Variants in MALT1 observed in about 807,000 individuals in gnomAD.
MALT1 encodes the protein MALT1 paracaspase.
In MALT1, 36 loss-of-function variants were observed where a neutral mutation model predicts 85.5. The observed-to-expected ratio is 0.42, with a 90% CI of 0.32 to 0.56. MALT1 has a LOEUF of 0.56. Ranked by LOEUF, MALT1 falls within the 20% of genes least tolerant of loss-of-function variation. The pLI, the probability that MALT1 is intolerant of heterozygous loss-of-function variation, is 0.10. For synonymous variants in MALT1, 359 were observed against 361.3 expected, an observed-to-expected ratio of 0.99 and a Z score of 0.07; for missense variants, 716 against 981.6, an observed-to-expected ratio of 0.73 and a Z score of 3.62.
chr18:58,715,425 C>T (rs7242509), intron 8 of MALT1, among the ~76,000 whole-genome samples: 36,816 of 151,920 alleles, frequency 0.24, 4,575 homozygotes, highest in Middle Eastern at 0.34. Context: ...AGTTATCTCC[C>T]GACAGTAGTG....
chr18:58,726,791 G>A (rs2055061043), intron 10 of MALT1, among the ~76,000 whole-genome samples: 1 of 152,152 alleles, frequency 6.6e-6, no homozygotes. Flanking sequence ...TGTGTTCATC[G>A]CTTGCTGCAG....
rs574477576 is a variant in MALT1 at position 58,747,693 on chromosome 18, A to G, written c.2326A>G (p.Ser776Gly). Residue 776 changes from serine to glycine, a missense_variant, in exon 17 of 17, where the codon AGC (serine) becomes GGC (glycine). This residue lies in a region of MALT1 where 260 missense variants were observed against 323.7 expected (regional missense o/e 0.80). Coordinates refer to ENST00000649217, the MANE Select transcript of MALT1 (RefSeq NM_006785.4). ...GNPSNVTPAD[S>G]CHCSRTPDAF... is the part of the protein sequence containing the mutation. Reference sequence around the variant, plus strand: ...TCCAAGTAATGTTACACCAGCAGATAGCTGTCATTGCAGCCGGACTCCAGA... The same window carrying G: ...TCCAAGTAATGTTACACCAGCAGATGGCTGTCATTGCAGCCGGACTCCAGA... 6.4e-5 allele frequency: 103 copies of G among 1,614,218 alleles called. No individual in the cohort carries two copies. In the South Asian group the frequency reaches 1.1e-3, roughly 17 times the overall value.
chr18:58,723,359 A>G (rs1392647217), intron 10 of MALT1, 108 bp downstream of exon 10: 5 of 710,626 alleles, frequency 7.0e-6, no homozygotes, highest in Non-Finnish European at 1.1e-5. Context: ...CATGTTGTTG[A>G]ATGGAAGAGT....
rs563688104 is a variant in MALT1, at chr18:58,752,136, C to T, written c.*4294C>T. 2.0e-5 allele frequency: 3 copies of T among 152,304 alleles called. No homozygotes were observed. The highest frequency in any genetic ancestry group is 4.8e-5 in the African/African-American group (2 of 41,570). The allele number at this position is 152,304 out of a possible 1,614,324, so 9.4% of individuals were successfully genotyped here. A position where few individuals can be genotyped will look rare whatever the true frequency, so the allele number is the denominator to read the frequency against. Reference sequence around the variant, plus strand: ...ATGTAGCCAGAGCTTAGATCACTGACATGTATACTGGCATAAGCTTTTTTT... The same window carrying T: ...ATGTAGCCAGAGCTTAGATCACTGATATGTATACTGGCATAAGCTTTTTTT... On this transcript the variant is annotated 3_prime_UTR_variant, in exon 17 of 17. Transcript: ENST00000649217.
At chr18:58,718,066 C>A (rs1437253430) in intron 9 of MALT1, among the ~76,000 whole-genome samples, 1 of 152,062 alleles carries the variant, frequency 6.6e-6, no homozygotes, top group African/African-American at 2.4e-5. Context: ...TTTAATTTAA[C>A]CCTGAGATGT....
In MALT1 at chr18:58,745,550, CACGAGAGGCCAGA is replaced by C. The variant is rs2055354411; in HGVS notation, c.1912-114_1912-102del. The stretch of plus-strand genomic sequence containing the variant: ...GGATAATTTTGGGATTACCAAAATT[CACGAGAGGCCAGA>C]ATTCACGAGAGGATAGTATCAGTTA... On this transcript the variant is annotated intron_variant, in intron 15 of 16. Transcript: ENST00000649217. 5 of 860,904 alleles carry C rather than the reference CACGAGAGGCCAGA, an allele frequency of 5.8e-6. No individual in the cohort carries two copies. The South Asian group carries it at 7.4e-5, about 13-fold the overall frequency. 53.3% of individuals were successfully genotyped at this position (860,904 alleles called of 1,614,324 possible).
At chr18:58,719,887 TTAAA>T (rs1347868700) in intron 9 of MALT1, among the ~76,000 whole-genome samples, 1 of 151,680 alleles carries the variant, frequency 6.6e-6, no homozygotes, top group East Asian at 1.9e-4. Flanking sequence ...CATGTGATTT[TTAAA>T]TAAATACTTA....
At chr18:58,695,089 G>A (rs543759153) in intron 2 of MALT1, among the ~76,000 whole-genome samples, 5 of 152,114 alleles carry the variant, frequency 3.3e-5, no homozygotes, top group African/African-American at 4.8e-5. Flanking sequence ...TTCCCTGCCC[G>A]CACCTTCTTC....
chr18:58,721,766 C>T (rs573866696), intron 9 of MALT1, among the ~76,000 whole-genome samples: 2 of 152,250 alleles, frequency 1.3e-5, no homozygotes, highest in South Asian at 2.1e-4. Flanking sequence ...TTGTAGACGT[C>T]GAGTCAGCAA....
chr18:58,709,226 T>C (rs1179463025), intron 4 of MALT1, 152 bp from the exon 5 acceptor site: 1 of 503,332 alleles, frequency 2.0e-6, no homozygotes, highest in African/African-American at 2.0e-5. Context: ...TCTCGTAATA[T>C]TTCTATGAGT....
rs2055396723 is a variant in MALT1 at position 58,748,090 on chromosome 18, TTATATGTA to T, written c.*253_*260del. The stretch of plus-strand genomic sequence containing the variant: ...AAATGAAGTATGGAGGTGTGTATGT[TTATATGTA>T]TATAACAAAATATTTTCATTGTGAC... On this transcript the variant is annotated 3_prime_UTR_variant, in exon 17 of 17. Transcript: ENST00000649217. 4.3e-6 allele frequency: 2 copies of T among 469,620 alleles called. No homozygotes were observed. Among genetic ancestry groups the T allele is most frequent in the South Asian group, 2.3e-5 (1 of 42,590 alleles). The allele number at this position is 469,620 out of a possible 1,614,324, so 29.1% of individuals were successfully genotyped here. A position where few individuals can be genotyped will look rare whatever the true frequency, so the allele number is the denominator to read the frequency against.
intron 4 of MALT1, among the ~76,000 whole-genome samples, chr18:58,702,345 G>A (rs1037164823): frequency 1.3e-5 from 2 of 151,900 alleles, no homozygotes; most frequent in East Asian, 1.9e-4. Flanking sequence ...GATCACACCA[G>A]TGCACTCCAG....
intron 1 of MALT1, among the ~76,000 whole-genome samples, chr18:58,674,596 G>A (rs2054213379): frequency 6.6e-6 from 1 of 152,148 alleles, no homozygotes; most frequent in African/African-American, 2.4e-5. Context: ...CTTGGGGGCT[G>A]GACAGTGAAG....
At position 58,752,341 on chromosome 18, in the gene MALT1, T is replaced by C. The variant is rs568954759; in HGVS notation, c.*4499T>C. 6.6e-6 allele frequency: 1 copy of C among 152,296 alleles called. No individual in the cohort carries two copies. Among genetic ancestry groups the C allele is most frequent in the East Asian group, 1.9e-4 (1 of 5,186 alleles). The allele number at this position is 152,296 out of a possible 1,614,324, so 9.4% of individuals were successfully genotyped here. A position where few individuals can be genotyped will look rare whatever the true frequency, so the allele number is the denominator to read the frequency against. ...CCAAACAGACGTCCTGACAATGTTG[T>C]TTCCTATTCCTTGAACATTCACCTG... On this transcript the variant is annotated 3_prime_UTR_variant, in exon 17 of 17. Transcript: ENST00000649217.
rs2055418618 is a variant in MALT1 at position 58,749,538 on chromosome 18, CAT to C, written c.*1697_*1698del. ...CATCTTGTTCAGCCTCAGCTGGGAA[CAT>C]GTGTACTGGGTGACTCAAATTTTTC... On this transcript the variant is annotated 3_prime_UTR_variant, in exon 17 of 17. Transcript: ENST00000649217. 2 of 217,592 alleles carry C rather than the reference CAT, an allele frequency of 9.2e-6. No individual in the cohort carries two copies. The highest frequency in any genetic ancestry group is 5.8e-5 in the Admixed American group (1 of 17,220). The allele number at this position is 217,592 out of a possible 1,614,324, so 13.5% of individuals were successfully genotyped here.
chr18:58,737,304 A>AT (rs1555689357), intron 13 of MALT1, among the ~76,000 whole-genome samples: 1 of 151,516 alleles, frequency 6.6e-6, no homozygotes, highest in African/African-American at 2.4e-5. Flanking sequence ...ACATTGTCAG[A>AT]CCCCCCATCT....
At chr18:58,682,266 G>T (rs768115202) in intron 2 of MALT1, among the ~76,000 whole-genome samples, 1 of 152,174 alleles carries the variant, frequency 6.6e-6, no homozygotes, top group Non-Finnish European at 1.5e-5. Flanking sequence ...TTGTGGGATA[G>T]GGAATTAGGA....
At chr18:58,682,152 T>C (rs1218231601) in intron 2 of MALT1, among the ~76,000 whole-genome samples, 4 of 152,180 alleles carry the variant, frequency 2.6e-5, no homozygotes, top group Admixed American at 1.3e-4. Context: ...TTACGTGGTT[T>C]TGATGTATAC....
intron 7 of MALT1, among the ~76,000 whole-genome samples, chr18:58,711,898 G>A (rs1176414089): frequency 6.6e-6 from 1 of 152,154 alleles, no homozygotes; most frequent in African/African-American, 2.4e-5. Context: ...TGTTAACCCT[G>A]TTTGAGGGAA....
Sources: allele counts gnomAD v4.1 joint callset (sites outside exome capture counted in the v4.1 genomes callset), GRCh38; gene constraint gnomAD v4.1.1; regional missense constraint gnomAD v4.1.1; transcripts MANE v1.5; gene names NCBI Gene and HGNC (gene_info 2026-07-23, HGNC 2026-07-21).